The following RTF1 variants were observed in gnomAD, a reference collection of about 807,000 sequenced individuals.
RTF1 encodes RTF1 homolog, Paf1/RNA polymerase II complex component.
RTF1 carries 10 observed loss-of-function variants against 95.7 expected under a neutral mutation model. That is an observed-to-expected ratio of 0.10 (90% CI 0.06 to 0.18). The LOEUF is 0.18. Among genes scored for constraint, RTF1 ranks in the 10% least tolerant of loss-of-function variants. The pLI is 1.00. For missense variants in RTF1, 458 were observed against 875.6 expected, an observed-to-expected ratio of 0.52 and a Z score of 6.02; for synonymous variants, 305 against 311.8, an observed-to-expected ratio of 0.98 and a Z score of 0.23.
At chr15:41,438,562 G>T in intron 2 of RTF1, 131 bp downstream of exon 2, 1 of 576,524 alleles carries the variant, frequency 1.7e-6, no homozygotes, top group South Asian at 2.3e-5. Flanking sequence ...ATTGGGGAAA[G>T]AAAATGGTGT....
chr15:41,462,523 C>T (rs1208397049), intron 4 of RTF1, among the ~76,000 whole-genome samples: 1 of 152,094 alleles, frequency 6.6e-6, no homozygotes, highest in Non-Finnish European at 1.5e-5. Flanking sequence ...TACATAAGAA[C>T]ATTATGTAAA....
At chr15:41,480,469 G>A in intron 17 of RTF1, 112 bp from the exon 18 acceptor site, 5 of 956,172 alleles carry the variant, frequency 5.2e-6, no homozygotes, top group South Asian at 1.4e-5. Context: ...CAGGCTGTGG[G>A]TATGGTGAGA....
intron 13 of RTF1, 82 bp from the exon 14 acceptor site, chr15:41,477,376 C>G: frequency 6.2e-7 from 1 of 1,612,422 alleles, no homozygotes; most frequent in Non-Finnish European, 8.5e-7. Context: ...TGCACTGACC[C>G]CATAGATATC....
At chr15:41,473,392 A>C (rs928849080) in intron 8 of RTF1, among the ~76,000 whole-genome samples, 6 of 150,956 alleles carry the variant, frequency 4.0e-5, no homozygotes, top group East Asian at 3.9e-4. Flanking sequence ...TTGGCCTCCC[A>C]AAATGCTGGG....
intron 1 of RTF1, among the ~76,000 whole-genome samples, chr15:41,435,851 T>G (rs372435045): frequency 6.6e-6 from 1 of 152,208 alleles, no homozygotes; most frequent in Non-Finnish European, 1.5e-5. Context: ...GTTTATTAGC[T>G]GTATCTTCTC....
At chr15:41,425,862 C>T (rs1474559605) in intron 1 of RTF1, among the ~76,000 whole-genome samples, 1 of 152,178 alleles carries the variant, frequency 6.6e-6, no homozygotes, top group Non-Finnish European at 1.5e-5. Context: ...ATGCCAGGCA[C>T]TGGCATGAGA....
At chr15:41,421,571 C>T (rs554640860) in intron 1 of RTF1, among the ~76,000 whole-genome samples, 3 of 150,278 alleles carry the variant, frequency 2.0e-5, no homozygotes, top group East Asian at 3.9e-4. Context: ...GTTGAAGTTG[C>T]AGTTACTTGT....
At chr15:41,450,334 C>T (rs752872394) in intron 2 of RTF1, among the ~76,000 whole-genome samples, 10 of 152,050 alleles carry the variant, frequency 6.6e-5, no homozygotes, top group Non-Finnish European at 1.3e-4. Context: ...CTTTGGGAGG[C>T]CAGGGCAGGC....
chr15:41,464,163 G>A (rs1479746030), intron 4 of RTF1, among the ~76,000 whole-genome samples: 5 of 148,212 alleles, frequency 3.4e-5, no homozygotes, highest in African/African-American at 1.2e-4. Context: ...TTGTTTGTTT[G>A]TTTATTTTTT....
rs770032503 is a variant in RTF1, at chr15:41,481,700, G to C, written c.*1013G>C. ...CACCCAGTATACCAGCCTCTTCCTGGTGATTCTGTTTTGCTGCTTTGGCAA... is the reference window on the plus strand; with the variant it reads ...CACCCAGTATACCAGCCTCTTCCTGCTGATTCTGTTTTGCTGCTTTGGCAA... On this transcript the variant is annotated 3_prime_UTR_variant, in exon 18 of 18. Coordinates refer to ENST00000389629, the MANE Select transcript of RTF1 (RefSeq NM_015138.5). 4 of 152,626 alleles carry C rather than the reference G, an allele frequency of 2.6e-5. No individual in the cohort carries two copies. The highest frequency in any genetic ancestry group is 5.9e-5 in the Non-Finnish European group (4 of 68,060). The allele number at this position is 152,626 out of a possible 1,614,324, so 9.5% of individuals were successfully genotyped here.
chr15:41,439,247 G>A (rs2050720727), intron 2 of RTF1, among the ~76,000 whole-genome samples: 1 of 151,628 alleles, frequency 6.6e-6, no homozygotes, highest in South Asian at 2.1e-4. Flanking sequence ...TGTTAGCCAG[G>A]GTGGTCTCAA....
Position 41,460,279 on chromosome 15 carries a change from C to T in RTF1, c.662+2403C>T, listed in dbSNP as rs950326143. Among the ~76,000 whole-genome samples, 14 of 151,910 alleles carry T rather than the reference C, an allele frequency of 9.2e-5. No individual in the cohort carries two copies. In the East Asian group the frequency reaches 1.7e-3, roughly 19 times the overall value. ...CTGGGATTACAGACGCCCGCCACAA[C>T]GCCCGGCTAATTTTTGTATTTTTAG... On this transcript the variant is annotated intron_variant, in intron 4 of 17. Coordinates refer to ENST00000389629, the MANE Select transcript of RTF1 (RefSeq NM_015138.5).
intron 1 of RTF1, among the ~76,000 whole-genome samples, chr15:41,423,998 CCT>C (rs2050616297): frequency 6.6e-6 from 1 of 152,180 alleles, no homozygotes; most frequent in Admixed American, 6.6e-5. Context: ...AGTGATCCGC[CCT>C]CCTTGGCTTC....
intron 1 of RTF1, among the ~76,000 whole-genome samples, chr15:41,434,067 A>C (rs1430282470): frequency 6.6e-6 from 1 of 150,962 alleles, no homozygotes; most frequent in African/African-American, 2.4e-5. Context: ...CTGGTCTCGA[A>C]CTCCCAACCT....
chr15:41,480,174 A>G, intron 16 of RTF1, 40 bp from the exon 17 acceptor site: 1 of 1,312,774 alleles, frequency 7.6e-7, no homozygotes, highest in Non-Finnish European at 1.1e-6. Context: ...ATCCACTTGC[A>G]TTTATGCTCT....
chr15:41,426,781 A>G (rs111897868), intron 1 of RTF1, among the ~76,000 whole-genome samples: 2,952 of 78,342 alleles, frequency 0.038, 65 homozygotes, highest in African/African-American at 0.062. Context: ...CTACATATAT[A>G]TGTGTGTGTG....
rs1255123888 is a variant in RTF1, at chr15:41,483,233, T to C, written c.*2546T>C. 3 of 152,654 alleles carry C rather than the reference T, an allele frequency of 2.0e-5. No homozygotes were observed. The highest frequency in any genetic ancestry group is 7.2e-5 in the African/African-American group (3 of 41,450). The allele number at this position is 152,654 out of a possible 1,614,324, so 9.5% of individuals were successfully genotyped here. Reference sequence around the variant, plus strand: ...CTTTGTCCTACCAACTAGGATTTCTTGGTGGTTCACACTATTTCTTGTGCT... The same window carrying C: ...CTTTGTCCTACCAACTAGGATTTCTCGGTGGTTCACACTATTTCTTGTGCT... On this transcript the variant is annotated 3_prime_UTR_variant, in exon 18 of 18. Coordinates refer to ENST00000389629, the MANE Select transcript of RTF1 (RefSeq NM_015138.5).
At chr15:41,444,589 C>T (rs1595430903) in intron 2 of RTF1, among the ~76,000 whole-genome samples, 2 of 152,054 alleles carry the variant, frequency 1.3e-5, no homozygotes, top group South Asian at 2.1e-4. Context: ...CCATCGCGGC[C>T]GGCCCGTTAG....
intron 5 of RTF1, among the ~76,000 whole-genome samples, chr15:41,465,134 T>A (rs1370215838): frequency 6.6e-6 from 1 of 151,662 alleles, no homozygotes; most frequent in East Asian, 1.9e-4. Context: ...TCCCTTTTCT[T>A]CCCCTCCCTT....
Sources: gnomAD v4.1 joint callset for allele counts (sites outside exome capture counted in the v4.1 genomes callset) on GRCh38, gnomAD v4.1.1 for gene constraint, MANE v1.5 for transcripts, NCBI Gene and HGNC (gene_info 2026-07-23, HGNC 2026-07-21) for gene names.